RFC3: variants seen among roughly 807,000 people sequenced by gnomAD.
RFC3 encodes the protein A1 38 kDa subunit.
In RFC3, 41 loss-of-function variants were observed where a neutral mutation model predicts 45.1. The ratio of observed to expected loss-of-function variants is 0.91; its 90% CI spans 0.71 to 1.18. RFC3 has a LOEUF of 1.18. Among genes scored for constraint, RFC3 ranks in the 50% most tolerant of loss-of-function variants. The pLI is 0.00. For missense variants in RFC3, 423 were observed against 428.1 expected, an observed-to-expected ratio of 0.99 and a Z score of 0.10; for synonymous variants, 149 against 144.0, an observed-to-expected ratio of 1.03 and a Z score of -0.25.
At chr13:33,857,762 T>A (rs949257934) in intron 8 of RFC3, among the ~76,000 whole-genome samples, 13 of 152,216 alleles carry the variant, frequency 8.5e-5, no homozygotes, top group Non-Finnish European at 1.5e-4. Context: ...TTATTGTATA[T>A]TTCTGTTCTG....
intron 8 of RFC3, among the ~76,000 whole-genome samples, chr13:33,895,355 AGAT>A: frequency 6.6e-6 from 1 of 152,358 alleles, no homozygotes; most frequent in Middle Eastern, 3.4e-3. Flanking sequence ...TCTCAAAAGA[AGAT>A]GTACAAATGG....
chr13:33,945,613 T>C (rs1593710712), intron 8 of RFC3, among the ~76,000 whole-genome samples: 1 of 152,160 alleles, frequency 6.6e-6, no homozygotes, highest in Non-Finnish European at 1.5e-5. Context: ...TCAAGTGATA[T>C]TAAAATACAG....
chr13:33,831,638 CTTAACA>C (rs765961260), intron 7 of RFC3, among the ~76,000 whole-genome samples: 6 of 103,274 alleles, frequency 5.8e-5, no homozygotes, highest in East Asian at 3.6e-4. Flanking sequence ...TCTCAGATTA[CTTAACA>C]TTAACATACA....
At chr13:33,953,037 T>C (rs1025628049) in intron 8 of RFC3, among the ~76,000 whole-genome samples, 1 of 152,160 alleles carries the variant, frequency 6.6e-6, no homozygotes, top group South Asian at 2.1e-4. Context: ...TAAACATGCA[T>C]ACAGTTGTCT....
At chr13:33,884,885 A>G (rs1334890534) in intron 8 of RFC3, among the ~76,000 whole-genome samples, 1 of 152,220 alleles carries the variant, frequency 6.6e-6, no homozygotes, top group Non-Finnish European at 1.5e-5. Flanking sequence ...GAGTCCAAGG[A>G]AAGTATAGTT....
At chr13:33,869,547 A>C (rs2082394543) in intron 8 of RFC3, among the ~76,000 whole-genome samples, 1 of 152,196 alleles carries the variant, frequency 6.6e-6, no homozygotes, top group Non-Finnish European at 1.5e-5. Flanking sequence ...CTGCAAAGAA[A>C]GATATTGTTG....
rs1043700066 is a variant in RFC3, at chr13:33,929,949, C to T, written c.880-36138C>T. Among the ~76,000 whole-genome samples, 4 of 152,078 alleles carry T rather than the reference C, an allele frequency of 2.6e-5. No individual in the cohort carries two copies. In the East Asian group the frequency reaches 7.7e-4, roughly 29 times the overall value. ...AAGCATTTTAAAGTTCTTAATGTAG[C>T]TTGCCAACTTTCCTTTTGAATATTT... is the stretch of plus-strand genomic sequence containing the variant. On this transcript the variant is annotated intron_variant, in intron 8 of 8. Coordinates refer to the RFC3 transcript ENST00000434425.
intron 8 of RFC3, among the ~76,000 whole-genome samples, chr13:33,908,315 A>G (rs1036622528): frequency 6.6e-6 from 1 of 152,014 alleles, no homozygotes; most frequent in Admixed American, 6.6e-5. Context: ...CATCACACTG[A>G]GGAGCCATAG....
At chr13:33,932,869 CTTT>C (rs1356947055) in intron 8 of RFC3, among the ~76,000 whole-genome samples, 1 of 152,158 alleles carries the variant, frequency 6.6e-6, no homozygotes, top group Non-Finnish European at 1.5e-5. Flanking sequence ...CAACGACTGG[CTTT>C]TGCTGTACAT....
In RFC3 at chr13:33,836,511, A is replaced by G; in HGVS notation, c.*216A>G. The G allele has an allele frequency of 7.9e-7, 1 of 1,258,848 alleles. No individual in the cohort carries two copies. Among genetic ancestry groups the G allele is most frequent in the Non-Finnish European group, 1.0e-6 (1 of 996,784 alleles). The allele number at this position is 1,258,848 out of a possible 1,614,324, so 78.0% of individuals were successfully genotyped here. A position where few individuals can be genotyped will look rare whatever the true frequency, so the allele number is the denominator to read the frequency against. ...TTTGTACATAACTTAGAGACTTTAG[A>G]GTCTAAGAAAATGATCTTAATTTAC... On this transcript the variant is annotated 3_prime_UTR_variant, in exon 9 of 9. Transcript: ENST00000380071.
At chr13:33,826,032 A>G (rs2082046279) in intron 4 of RFC3, 146 bp downstream of exon 4, 1 of 420,194 alleles carries the variant, frequency 2.4e-6, no homozygotes, top group African/African-American at 2.0e-5. Context: ...TTTATGTGAA[A>G]GAGGATTATT....
At chr13:33,928,611 C>CT (rs1265454026) in intron 8 of RFC3, among the ~76,000 whole-genome samples, 2 of 152,136 alleles carry the variant, frequency 1.3e-5, no homozygotes, top group African/African-American at 4.8e-5. Flanking sequence ...CTTCCCAACT[C>CT]TAACTTTAGA....
At chr13:33,931,878 G>T (rs192296395) in intron 8 of RFC3, among the ~76,000 whole-genome samples, 1 of 152,002 alleles carries the variant, frequency 6.6e-6, no homozygotes, top group East Asian at 1.9e-4. Flanking sequence ...ATTCTGTGAG[G>T]TGATGATTAA....
chr13:33,946,351 C>T (rs1055559663), intron 8 of RFC3, among the ~76,000 whole-genome samples: 1 of 152,138 alleles, frequency 6.6e-6, no homozygotes, highest in African/African-American at 2.4e-5. Context: ...TTGCTGTATA[C>T]ATTGGTATAC....
intron 4 of RFC3, among the ~76,000 whole-genome samples, chr13:33,827,204 G>T: frequency 6.6e-6 from 1 of 152,168 alleles, no homozygotes; most frequent in East Asian, 1.9e-4. Context: ...CAGGAGGATT[G>T]CTTGAGCCCA....
intron 8 of RFC3, among the ~76,000 whole-genome samples, chr13:33,867,395 A>C (rs559601036): frequency 1.7e-3 from 257 of 152,324 alleles, no homozygotes; most frequent in Non-Finnish European, 2.5e-3. Context: ...TAATCATTTT[A>C]GTACCTCAAG....
At chr13:33,844,401 C>G (rs1043289376) in intron 8 of RFC3, among the ~76,000 whole-genome samples, 1 of 152,188 alleles carries the variant, frequency 6.6e-6, no homozygotes, top group African/African-American at 2.4e-5. Context: ...GTTCTTCTCT[C>G]TCCAGCAGTT....
At chr13:33,823,255 T>C (rs1008980625) in intron 2 of RFC3, among the ~76,000 whole-genome samples, 1 of 152,128 alleles carries the variant, frequency 6.6e-6, no homozygotes, top group Non-Finnish European at 1.5e-5. Context: ...ATGTATTATA[T>C]TAAAGTTAGA....
chr13:33,834,859 A>G (rs1278533105), intron 7 of RFC3, among the ~76,000 whole-genome samples: 1 of 152,068 alleles, frequency 6.6e-6, no homozygotes, highest in Non-Finnish European at 1.5e-5. Flanking sequence ...ATAATTAGGA[A>G]CCCTGAATAT....
Sources: gnomAD v4.1 joint callset for allele counts (sites outside exome capture counted in the v4.1 genomes callset) on GRCh38, gnomAD v4.1.1 for gene constraint, MANE v1.5 for transcripts, NCBI Gene and HGNC (gene_info 2026-07-23, HGNC 2026-07-21) for gene names.